The following TTC39B variants were observed in gnomAD, a reference collection of about 807,000 sequenced individuals.
TTC39B encodes tetratricopeptide repeat protein 39B.
Under a neutral mutation model 96.6 loss-of-function variants are expected in TTC39B, and 92 were observed. The observed-to-expected ratio is 0.95, with a 90% CI of 0.80 to 1.13. The LOEUF (loss-of-function observed/expected upper bound fraction) is 1.13, where lower values mean the gene tolerates loss of function less well. Among genes scored for constraint, TTC39B ranks in the 50% most tolerant of loss-of-function variants. TTC39B has a pLI of 0.00. For synonymous variants in TTC39B, 367 were observed against 299.4 expected (o/e 1.23, Z -2.33); for missense variants, 955 against 809.3 (o/e 1.18, Z -2.18).
chr9:15,206,076 G>C (rs1819833118), intron 6 of TTC39B, among the ~76,000 whole-genome samples: 1 of 152,130 alleles, frequency 6.6e-6, no homozygotes, highest in African/African-American at 2.4e-5. Flanking sequence ...AAAGTTAAGA[G>C]CAGCATGGGG....
chr9:15,293,242 G>C (rs10961963), intron 1 of TTC39B, among the ~76,000 whole-genome samples: 37,369 of 151,992 alleles, frequency 0.25, 5,090 homozygotes, highest in Non-Finnish European at 0.3. Context: ...GCCTAGGTGT[G>C]TAGTAGGCTG....
intron 13 of TTC39B, among the ~76,000 whole-genome samples, chr9:15,188,899 C>T (rs1011524285): frequency 2.6e-5 from 4 of 152,002 alleles, no homozygotes; most frequent in African/African-American, 9.7e-5. Context: ...CAATGATGTT[C>T]ACAACAGTTT....
chr9:15,243,306 A>G (rs1586946704), intron 2 of TTC39B, among the ~76,000 whole-genome samples: 1 of 152,376 alleles, frequency 6.6e-6, no homozygotes, highest in Non-Finnish European at 1.5e-5. Context: ...TGAACAGATG[A>G]TGTAATTTTT....
rs759243683 is a variant in TTC39B, at chr9:15,211,393, T to C, written c.487A>G (p.Lys163Glu). The change falls in exon 5 of 20, where the codon AAG becomes GAG. Residue 163 changes from lysine to glutamate, a missense_variant. Coordinates refer to ENST00000512701, the Ensembl canonical transcript of TTC39B. ...CCCAAGGCATGGTACATACTCTCCTTAGCCCTGGGAAGAACACAGGGAATT... is the reference window on the plus strand; with the variant it reads ...CCCAAGGCATGGTACATACTCTCCTCAGCCCTGGGAAGAACACAGGGAATT... 12 of 1,525,064 alleles carry C rather than the reference T, an allele frequency of 7.9e-6. No homozygotes were observed. In the Admixed American group the frequency reaches 2.5e-4, roughly 31 times the overall value. The allele number at this position is 1,525,064 out of a possible 1,614,324, so 94.5% of individuals were successfully genotyped here.
Position 15,260,940 on chromosome 9 carries a change from G to C in TTC39B, c.275+6974C>G, listed in dbSNP as rs78043896. Among the ~76,000 whole-genome samples, 1,149 of 152,282 alleles carry C rather than the reference G, an allele frequency of 7.5e-3. 15 individuals are homozygous for C. The highest frequency in any genetic ancestry group is 0.026 in the African/African-American group (1,093 of 41,548). ...CCTCAGGATTCCATTGAACACATAT[G>C]AGTTTCTATGTAAGGATAAATTTGA... On this transcript the variant is annotated intron_variant, in intron 2 of 19. Coordinates refer to ENST00000512701, the Ensembl canonical transcript of TTC39B.
chr9:15,230,318 C>T (rs973090758), intron 2 of TTC39B, among the ~76,000 whole-genome samples: 26 of 145,602 alleles, frequency 1.8e-4, no homozygotes, highest in African/African-American at 6.9e-4. Flanking sequence ...AGACTATCAC[C>T]ACAATCTAAT....
At chr9:15,206,061 T>C (rs1352354212) in intron 6 of TTC39B, among the ~76,000 whole-genome samples, 1 of 152,094 alleles carries the variant, frequency 6.6e-6, no homozygotes, top group Non-Finnish European at 1.5e-5. Flanking sequence ...AAGTGAAAGA[T>C]GAACAAAGTT....
rs143089719 is a variant in TTC39B, at chr9:15,277,127, C to T, written c.241-9179G>A. ...CCTTTCTTACTAGTGGGTTGCCCAG[C>T]ATAAAAAACATAATTTATGGGCTGG... On this transcript the variant is annotated intron_variant, in intron 1 of 19. Transcript: ENST00000512701. Among the ~76,000 whole-genome samples, 364 of 152,240 alleles carry T rather than the reference C, an allele frequency of 2.4e-3. 1 individual carries two copies. The highest frequency in any genetic ancestry group is 8.2e-3 in the African/African-American group (341 of 41,556).
exon 20 of TTC39B, chr9:15,166,982 T>TTTTTTTTTTATATA (rs1387664027): frequency 1.2e-3 from 25 of 20,280 alleles, no homozygotes; most frequent in Non-Finnish European, 1.8e-3. Context: ...AACCTTTATT[T>TTTTTTTTTTATATA]TATATATATA....
exon 20 of TTC39B, chr9:15,166,982 T>TTTTTTTTTATA (rs1387664027): frequency 2.5e-4 from 5 of 20,274 alleles, no homozygotes; most frequent in Non-Finnish European, 4.4e-4. Context: ...AACCTTTATT[T>TTTTTTTTTATA]TATATATATA....
intron 3 of TTC39B, among the ~76,000 whole-genome samples, chr9:15,216,523 T>C (rs1310757367): frequency 1.3e-5 from 2 of 152,174 alleles, no homozygotes; most frequent in African/African-American, 4.8e-5. Flanking sequence ...CACGGCAAGA[T>C]TTTTCACAAG....
chr9:15,209,336 G>C (rs1248822321), intron 6 of TTC39B, among the ~76,000 whole-genome samples: 1 of 151,994 alleles, frequency 6.6e-6, no homozygotes, highest in East Asian at 1.9e-4. Context: ...ATCTGATCAG[G>C]GTGCCGCAGC....
At chr9:15,212,019 T>A (rs1290418565) in intron 4 of TTC39B, among the ~76,000 whole-genome samples, 4 of 152,222 alleles carry the variant, frequency 2.6e-5, no homozygotes, top group Non-Finnish European at 5.9e-5. Flanking sequence ...GGATGTTAAC[T>A]AGAACTAGTC....
rs538052254 is a variant in TTC39B, at chr9:15,273,180, T to C, written c.241-5232A>G. Among the ~76,000 whole-genome samples the C allele has an allele frequency of 2.0e-5, 3 of 152,352 alleles. No homozygotes were observed. In the East Asian group the frequency reaches 5.8e-4, roughly 29 times the overall value. ...GATATTAATGACAAAAGTGTTTACA[T>C]TATTTTTATCTCTAGAGAACAAAGA... On this transcript the variant is annotated intron_variant, in intron 1 of 19. Coordinates refer to ENST00000512701, the Ensembl canonical transcript of TTC39B.
At chr9:15,234,029 G>A (rs922160407) in intron 2 of TTC39B, among the ~76,000 whole-genome samples, 5 of 127,968 alleles carry the variant, frequency 3.9e-5, no homozygotes, top group Non-Finnish European at 6.4e-5. Context: ...GATGTGAGGA[G>A]CGCCTCTGAC....
chr9:15,173,724 T>C (rs923791101), intron 19 of TTC39B, among the ~76,000 whole-genome samples: 2 of 152,196 alleles, frequency 1.3e-5, no homozygotes, highest in African/African-American at 4.8e-5. Flanking sequence ...CTTTAAATAT[T>C]ACTGTCTCTG....
chr9:15,167,288 C>T (rs1475552060), exon 20 of TTC39B: 1 of 146,810 alleles, frequency 6.8e-6, no homozygotes, highest in Non-Finnish European at 1.5e-5. Context: ...CCAAGTGACG[C>T]CCCCCAACTT....
intron 1 of TTC39B, among the ~76,000 whole-genome samples, chr9:15,297,553 C>T (rs1014090825): frequency 6.6e-6 from 1 of 152,118 alleles, no homozygotes; most frequent in African/African-American, 2.4e-5. Context: ...ACCCTGCACT[C>T]CAGGTTACAG....
intron 2 of TTC39B, among the ~76,000 whole-genome samples, chr9:15,238,831 T>A (rs1034150754): frequency 2.0e-5 from 3 of 151,978 alleles, no homozygotes; most frequent in African/African-American, 7.3e-5. Context: ...ACAAAAAATA[T>A]GAAAATTATC....
Sources: allele counts gnomAD v4.1 joint callset (sites outside exome capture counted in the v4.1 genomes callset), GRCh38; gene constraint gnomAD v4.1.1; transcripts MANE v1.5; gene names NCBI Gene and HGNC (gene_info 2026-07-23, HGNC 2026-07-21).